BBS9: variants seen among roughly 807,000 people sequenced by gnomAD.
BBS9 encodes the protein Bardet-Biedl syndrome 9.
In BBS9, 89 loss-of-function variants were observed where a neutral mutation model predicts 117.7. That is an observed-to-expected ratio of 0.76 (90% CI 0.64 to 0.90). BBS9 has a LOEUF of 0.90. Among genes scored for constraint, BBS9 ranks in the 40% least tolerant of loss-of-function variants. The probability of loss-of-function intolerance (pLI) is 0.00; values close to 1 mark genes in which losing one functional copy is unlikely to be tolerated. For missense variants in BBS9, 982 were observed against 1,042.2 expected (o/e 0.94, Z 0.80); for synonymous variants, 379 against 370.9 (o/e 1.02, Z -0.25).
intron 7 of BBS9, 64 bp downstream of exon 7, chr7:33,264,438 A>G (rs761098574): frequency 1.0e-6 from 1 of 957,264 alleles, no homozygotes; most frequent in Non-Finnish European, 1.6e-6. Context: ...TATGTTTGTC[A>G]ATAATAATTC....
chr7:33,339,646 A>G (rs1816104496), intron 10 of BBS9, among the ~76,000 whole-genome samples: 1 of 152,138 alleles, frequency 6.6e-6, no homozygotes, highest in Non-Finnish European at 1.5e-5. Context: ...TTATGTGCAG[A>G]TATGATTTCC....
intron 19 of BBS9, among the ~76,000 whole-genome samples, chr7:33,397,368 G>A (rs1828161497): frequency 6.6e-6 from 1 of 152,168 alleles, no homozygotes; most frequent in Admixed American, 6.5e-5. Flanking sequence ...TTATACGTTG[G>A]TGGGAGTGTA....
chr7:33,382,687 C>G (rs1303477874), intron 17 of BBS9, among the ~76,000 whole-genome samples: 2 of 151,702 alleles, frequency 1.3e-5, no homozygotes, highest in Admixed American at 6.6e-5. Flanking sequence ...CACTATTTCT[C>G]TCATAGGGCT....
At chr7:33,408,853 C>T (rs1415777167) in intron 19 of BBS9, among the ~76,000 whole-genome samples, 2 of 152,200 alleles carry the variant, frequency 1.3e-5, no homozygotes, top group African/African-American at 2.4e-5. Context: ...CTTTTCTCTG[C>T]AGTCTCACAA....
In BBS9 at chr7:33,500,428, C is replaced by T. The variant is rs181469380; in HGVS notation, c.2116-5035C>T. On this transcript the variant is annotated intron_variant, in intron 19 of 22. Transcript: ENST00000242067. ...CAGAAGACAGGATTAGAATCCTAGC[C>T]CTTATCTTCCCTTATTCATGACCAC... Among the ~76,000 whole-genome samples the T allele has an allele frequency of 2.4e-3, 371 of 152,262 alleles. 5 individuals are homozygous for T. The South Asian group carries it at 0.034, about 14-fold the overall frequency.
intron 21 of BBS9, among the ~76,000 whole-genome samples, chr7:33,575,415 A>T (rs1858629183): frequency 6.6e-6 from 1 of 152,174 alleles, no homozygotes; most frequent in South Asian, 2.1e-4. Context: ...GGCAATAATT[A>T]ACAGCCTACC....
intron 20 of BBS9, among the ~76,000 whole-genome samples, chr7:33,522,573 T>C (rs1483822249): frequency 3.3e-5 from 5 of 152,098 alleles, no homozygotes; most frequent in Admixed American, 6.6e-5. Flanking sequence ...TCATGTCCTT[T>C]GCCCACTTTT....
chr7:33,346,391 G>T, intron 12 of BBS9: 1 of 328,350 alleles, frequency 3.0e-6, no homozygotes, highest in Non-Finnish European at 6.1e-6. Flanking sequence ...GTTCATACCT[G>T]GCCTCTGGTG....
chr7:33,350,255 C>G (rs4278077), intron 13 of BBS9, among the ~76,000 whole-genome samples: 4,932 of 152,162 alleles, frequency 0.032, 138 homozygotes, highest in African/African-American at 0.077. Context: ...CATAACCAAC[C>G]CATAGCTGAG....
At chr7:33,187,992 A>C (rs960199912) in intron 5 of BBS9, among the ~76,000 whole-genome samples, 1 of 151,840 alleles carries the variant, frequency 6.6e-6, no homozygotes, top group Non-Finnish European at 1.5e-5. Context: ...TGAAGGGTTA[A>C]CTATAAAATA....
At chr7:33,619,144 A>G (rs1429393585) in intron 21 of BBS9, among the ~76,000 whole-genome samples, 3 of 152,124 alleles carry the variant, frequency 2.0e-5, no homozygotes, top group Non-Finnish European at 4.4e-5. Context: ...TAGCCTGAAA[A>G]TGAAGGAATG....
intron 9 of BBS9, among the ~76,000 whole-genome samples, chr7:33,309,246 A>G (rs984246702): frequency 1.3e-5 from 2 of 152,236 alleles, no homozygotes; most frequent in African/African-American, 4.8e-5. Flanking sequence ...AATAGGATTG[A>G]GAATCACTAG....
chr7:33,243,544 A>C (rs913415404), intron 5 of BBS9, among the ~76,000 whole-genome samples: 1 of 152,172 alleles, frequency 6.6e-6, no homozygotes, highest in African/African-American at 2.4e-5. Flanking sequence ...GAACTCTTAG[A>C]GTAGTGAGAT....
chr7:33,627,930 GC>G, intron 21 of BBS9, among the ~76,000 whole-genome samples: 1 of 152,088 alleles, frequency 6.6e-6, no homozygotes, highest in Non-Finnish European at 1.5e-5. Flanking sequence ...TATGATCCCA[GC>G]TACTTGGCAA....
rs1858446158 is a variant in BBS9, at chr7:33,574,709, A to ACACACACC, written c.2522-30149_2522-30148insCCACACAC. On this transcript the variant is annotated intron_variant, in intron 21 of 22. Transcript: ENST00000242067. ...AACACACACACACACACACACACACACACACACACACACACACGCGCACAC... is the reference window on the plus strand; with the variant it reads ...AACACACACACACACACACACACACACACACACCCACACACACACACACACGCGCACAC... 2.0e-5 allele frequency among the ~76,000 whole-genome samples: 3 copies of ACACACACC among 146,854 alleles called. 1 individual carries two copies. Among genetic ancestry groups the ACACACACC allele is most frequent in the Admixed American group, 2.0e-4 (3 of 14,784 alleles).
intron 17 of BBS9, among the ~76,000 whole-genome samples, chr7:33,369,980 ATC>A (rs1235527004): frequency 6.6e-6 from 1 of 152,154 alleles, no homozygotes; most frequent in Non-Finnish European, 1.5e-5. Flanking sequence ...CCGTGTATTC[ATC>A]TCTTTTTAAA....
At chr7:33,505,332 C>A in intron 19 of BBS9, 131 bp from the exon 20 acceptor site, 1 of 892,768 alleles carries the variant, frequency 1.1e-6, no homozygotes, top group Non-Finnish European at 1.9e-6. Context: ...TATTACTTAA[C>A]ATAGCTTGTG....
chr7:33,354,856 C>T (rs1162298628), intron 15 of BBS9, among the ~76,000 whole-genome samples: 1 of 151,866 alleles, frequency 6.6e-6, no homozygotes, highest in Non-Finnish European at 1.5e-5. Context: ...ATAGTAGTTA[C>T]GACTATCCAT....
chr7:33,532,134 A>C (rs1476317128), intron 20 of BBS9, among the ~76,000 whole-genome samples: 1 of 152,234 alleles, frequency 6.6e-6, no homozygotes, highest in Non-Finnish European at 1.5e-5. Flanking sequence ...AAGAGGGCCC[A>C]CCCATCAACC....
Sources: gnomAD v4.1 joint callset for allele counts (sites outside exome capture counted in the v4.1 genomes callset) on GRCh38, gnomAD v4.1.1 for gene constraint, MANE v1.5 for transcripts, NCBI Gene and HGNC (gene_info 2026-07-23, HGNC 2026-07-21) for gene names.